The following KDM5A variants were observed in gnomAD, a reference collection of about 807,000 sequenced individuals.
The protein encoded by KDM5A is lysine-specific demethylase 5A.
A neutral mutation model predicts 193.5 loss-of-function variants in KDM5A; 42 were observed. The observed-to-expected ratio is 0.22, with a 90% confidence interval of 0.17 to 0.28. The LOEUF (loss-of-function observed/expected upper bound fraction) is 0.28, where lower values mean the gene tolerates loss of function less well. KDM5A is among the 10% of genes least tolerant of loss of function. The probability of loss-of-function intolerance (pLI) is 1.00; values close to 1 mark genes in which losing one functional copy is unlikely to be tolerated. For missense variants in KDM5A, 1,692 were observed against 2,055.1 expected (o/e 0.82, Z 3.42); for synonymous variants, 796 against 718.1 (o/e 1.11, Z -1.73).
At chr12:337,451 T>C (rs997449200) in intron 10 of KDM5A, among the ~76,000 whole-genome samples, 6 of 152,088 alleles carry the variant, frequency 3.9e-5, no homozygotes, top group Admixed American at 3.9e-4. Context: ...AGAGAGAATA[T>C]ACTAGTCTAG....
At chr12:295,275 G>C (rs1943354298) in intron 26 of KDM5A, among the ~76,000 whole-genome samples, 4 of 141,198 alleles carry the variant, frequency 2.8e-5, no homozygotes, top group African/African-American at 5.1e-5. Context: ...GAAGGAAAAA[G>C]GAAAGGAAAG....
intron 18 of KDM5A, among the ~76,000 whole-genome samples, chr12:319,480 G>A (rs1272717932): frequency 6.6e-6 from 1 of 152,242 alleles, no homozygotes; most frequent in Non-Finnish European, 1.5e-5. Context: ...AAAAGGCGTG[G>A]TGGCTCATGT....
At chr12:352,172 T>TCCCCGGA in intron 9 of KDM5A, 33 bp downstream of exon 9, 1 of 1,056,394 alleles carries the variant, frequency 9.5e-7, no homozygotes, top group Non-Finnish European at 1.4e-6. Context: ...TCTTTGTACC[T>TCCCCGGA]CCCCGGACCG....
chr12:338,971 G>C (rs1337958015), intron 10 of KDM5A, among the ~76,000 whole-genome samples: 1 of 152,038 alleles, frequency 6.6e-6, no homozygotes, highest in East Asian at 1.9e-4. Flanking sequence ...CCTGAGGTTG[G>C]GAGTTCGAGA....
chr12:327,995 C>T (rs114718392), intron 14 of KDM5A, among the ~76,000 whole-genome samples: 2 of 151,924 alleles, frequency 1.3e-5, no homozygotes, highest in African/African-American at 2.4e-5. Flanking sequence ...GCCTGGGCGA[C>T]AGAGAGAGAA....
intron 3 of KDM5A, among the ~76,000 whole-genome samples, chr12:375,904 G>C (rs189765664): frequency 2.6e-4 from 40 of 152,306 alleles, no homozygotes; most frequent in Middle Eastern, 3.4e-3. Flanking sequence ...GAATGTTGCC[G>C]AACAGCAAAT....
At position 306,519 on chromosome 12, in the gene KDM5A, G is replaced by A. The variant is rs988718824; in HGVS notation, c.4074+427C>T. On this transcript the variant is annotated intron_variant, in intron 24 of 27. Coordinates refer to ENST00000399788, the MANE Select transcript of KDM5A (RefSeq NM_001042603.3). ...GCACTTTGGGAGGCCGAGGCAGGCAGGTCACTTCAGGTCAGGAGTTCAAGA... is the reference window on the plus strand; with the variant it reads ...GCACTTTGGGAGGCCGAGGCAGGCAAGTCACTTCAGGTCAGGAGTTCAAGA... 5.9e-5 allele frequency among the ~76,000 whole-genome samples: 9 copies of A among 152,118 alleles called. 1 individual carries two copies. The highest frequency in any genetic ancestry group is 2.2e-4 in the African/African-American group (9 of 41,424).
intron 27 of KDM5A, among the ~76,000 whole-genome samples, chr12:288,592 G>A (rs1943250751): frequency 6.6e-6 from 1 of 152,080 alleles, no homozygotes; most frequent in African/African-American, 2.4e-5. Context: ...ACTGCACTGG[G>A]AAAAAAGAAA....
At chr12:303,365 A>G (rs2137380969) in intron 24 of KDM5A, among the ~76,000 whole-genome samples, 1 of 152,346 alleles carries the variant, frequency 6.6e-6, no homozygotes, top group African/African-American at 2.4e-5. Flanking sequence ...CTTTGCAGAG[A>G]CATGGATGAA....
At chr12:363,541 C>T (rs964457037) in intron 4 of KDM5A, among the ~76,000 whole-genome samples, 13 of 152,024 alleles carry the variant, frequency 8.6e-5, no homozygotes, top group African/African-American at 2.9e-4. Flanking sequence ...AAACAAATGG[C>T]GCTGGTACTA....
rs1943362578 is a variant in KDM5A, at chr12:295,754, A to G, written c.4274T>C (p.Leu1425Ser). 10 of 1,614,008 alleles carry G rather than the reference A, an allele frequency of 6.2e-6. No homozygotes were observed. The highest frequency in any genetic ancestry group is 8.5e-6 in the Non-Finnish European group (10 of 1,180,010). The change falls in exon 26 of 28, where the codon TTG becomes TCG. Residue 1425 changes from leucine (L) to serine (S), a missense_variant. By Grantham distance (145) the Leu-to-Ser change is moderately radical. Transcript: ENST00000399788. ...TGGAGGTTCCAAACTTCGGGGCACC[A>G]AAGGGCTCTTCCGAGGTTGTTTCCT... ...TPRKQPRKSP[L>S]VPRSLEPPVL...
At chr12:327,139 A>G (rs1335790359) in intron 14 of KDM5A, among the ~76,000 whole-genome samples, 1 of 152,208 alleles carries the variant, frequency 6.6e-6, no homozygotes, top group Non-Finnish European at 1.5e-5. Flanking sequence ...CATAGGTGGA[A>G]GGTATGTTTA....
intron 24 of KDM5A, among the ~76,000 whole-genome samples, chr12:304,618 C>T (rs568286938): frequency 6.6e-6 from 1 of 152,076 alleles, no homozygotes; most frequent in South Asian, 2.1e-4. Context: ...CTAGAAAATC[C>T]ATAATCTTAT....
intron 9 of KDM5A, among the ~76,000 whole-genome samples, chr12:351,084 A>C (rs1222602199): frequency 6.6e-6 from 1 of 152,226 alleles, no homozygotes; most frequent in Non-Finnish European, 1.5e-5. Flanking sequence ...CAGCAAGATT[A>C]AATTTTTTTA....
chr12:303,446 A>C (rs1029498319), intron 24 of KDM5A, among the ~76,000 whole-genome samples: 1 of 152,184 alleles, frequency 6.6e-6, no homozygotes, highest in Non-Finnish European at 1.5e-5. Context: ...CTCACTCATA[A>C]GTGGGAGTTG....
intron 3 of KDM5A, among the ~76,000 whole-genome samples, chr12:372,289 T>C (rs1944438660): frequency 6.6e-6 from 1 of 152,226 alleles, no homozygotes; most frequent in African/African-American, 2.4e-5. Context: ...CAGTGGTTTG[T>C]AGTTCTCCTT....
At chr12:319,826 T>C (rs1943694250) in intron 18 of KDM5A, among the ~76,000 whole-genome samples, 1 of 152,072 alleles carries the variant, frequency 6.6e-6, no homozygotes, top group Non-Finnish European at 1.5e-5. Flanking sequence ...ATCCAGAGTA[T>C]GCAGCTGGAC....
rs778015520 is a variant in KDM5A at position 356,463 on chromosome 12, C to T, written c.747G>A (p.Val249=). ...TATCTTTTGTTCCCATTGCCAAGCC[C>T]ACAACCTTGGGCCCAGCCCCAAAAA... ...LQIFGAGPKV[V]GLAMGTKDKE... Residue 249 remains valine, a synonymous_variant, in exon 6 of 28, where the codon GTG becomes GTA. Coordinates refer to ENST00000399788, the MANE Select transcript of KDM5A (RefSeq NM_001042603.3). 5.6e-6 allele frequency: 9 copies of T among 1,612,930 alleles called. No individual in the cohort carries two copies. The highest frequency in any genetic ancestry group is 7.6e-6 in the Non-Finnish European group (9 of 1,179,076).
intron 19 of KDM5A, among the ~76,000 whole-genome samples, chr12:314,202 CTTTCA>C (rs143730364): frequency 0.034 from 5,211 of 152,008 alleles, 287 homozygotes; most frequent in African/African-American, 0.12. Context: ...CTCATGAAAC[CTTTCA>C]TTTATTTCTT....
Sources: allele counts gnomAD v4.1 joint callset (sites outside exome capture counted in the v4.1 genomes callset), GRCh38; gene constraint gnomAD v4.1.1; transcripts MANE v1.5; gene names NCBI Gene and HGNC (gene_info 2026-07-23, HGNC 2026-07-21).